The following HMGN2 variants were observed in gnomAD, a reference collection of about 807,000 sequenced individuals.
HMGN2 encodes high mobility group nucleosomal binding domain 2.
Under a neutral mutation model 16.9 loss-of-function variants are expected in HMGN2, and 2 were observed. That is an observed-to-expected ratio of 0.12 (90% CI 0.05 to 0.37). The LOEUF is 0.37. Among genes scored for constraint, HMGN2 ranks in the 10% least tolerant of loss-of-function variants. The pLI, the probability that HMGN2 is intolerant of heterozygous loss-of-function variation, is 1.00. For synonymous variants in HMGN2, 31 were observed against 34.9 expected (o/e 0.89, Z 0.39); for missense variants, 90 against 106.0 (o/e 0.85, Z 0.66).
At chr1:26,473,804 T>C in intron 3 of HMGN2, 72 bp downstream of exon 3, 1 of 1,438,824 alleles carries the variant, frequency 7.0e-7, no homozygotes, top group Non-Finnish European at 9.8e-7. Flanking sequence ...TTCCCTTTGC[T>C]TCCATGAATT....
Position 26,472,506 on chromosome 1 carries a change from G to T in HMGN2, c.-107G>T. 7.5e-7 allele frequency: 1 copy of T among 1,329,020 alleles called. No individual in the cohort carries two copies. Among genetic ancestry groups the T allele is most frequent in the South Asian group, 1.3e-5 (1 of 79,890 alleles). 82.3% of individuals were successfully genotyped at this position (1,329,020 alleles called of 1,614,324 possible). ...AAACTTTATAAACCCCCCGGAGCCC[G>T]AGCAGTGTGAAGAAGAGGCGAGAAC... On this transcript the variant is annotated 5_prime_UTR_variant, in exon 1 of 6. Transcript: ENST00000361427.
rs1357115782 is a variant in HMGN2, at chr1:26,475,468, A to T, written c.*320A>T. On this transcript the variant is annotated 3_prime_UTR_variant, in exon 6 of 6. Transcript: ENST00000361427. ...CACCTTGGCACAAAAGCCTTGTGGT[A>T]TAGAAAAACAAATTTGTTTTTATGT... The T allele has an allele frequency of 7.0e-6, 2 of 286,632 alleles. No homozygotes were observed. The highest frequency in any genetic ancestry group is 6.7e-6 in the Non-Finnish European group (1 of 149,934). The allele number at this position is 286,632 out of a possible 1,614,324, so 17.8% of individuals were successfully genotyped here.
At chr1:26,473,040 A>AG (rs11381992) in intron 1 of HMGN2, among the ~76,000 whole-genome samples, 151,745 of 151,880 alleles carry the variant, frequency 1, 75,805 homozygotes, top group Middle Eastern at 1. Flanking sequence ...CGCCGCCGTG[A>AG]GGGGCGGGGC....
Position 26,475,864 on chromosome 1 carries a change from T to G in HMGN2, c.*716T>G. 1 of 292,000 alleles carries G rather than the reference T, an allele frequency of 3.4e-6. No homozygotes were observed. Among genetic ancestry groups the G allele is most frequent in the Non-Finnish European group, 6.9e-6 (1 of 145,168 alleles). The allele number at this position is 292,000 out of a possible 1,614,324, so 18.1% of individuals were successfully genotyped here. On this transcript the variant is annotated 3_prime_UTR_variant, in exon 6 of 6. Transcript: ENST00000361427. ...TGGTAGTCCATTGAAGAAGGGAGTT[T>G]GAAAGTTGTTGTATACTGTTAACGA...
At chr1:26,473,279 C>T (rs2075587714) in intron 1 of HMGN2, 1 of 582,216 alleles carries the variant, frequency 1.7e-6, no homozygotes, top group Admixed American at 3.1e-5. Context: ...CGGCTGCGCT[C>T]CGGTCCAGCC....
intron 5 of HMGN2, 135 bp from the exon 6 acceptor site, chr1:26,474,978 T>G (rs1203415893): frequency 1.4e-6 from 1 of 728,212 alleles, no homozygotes; most frequent in African/African-American, 1.8e-5. Flanking sequence ...AGTAAGTCAT[T>G]CTCAGAAGAA....
rs977066430 is a variant in HMGN2 at position 26,476,146 on chromosome 1, A to G, written c.*998A>G. 2.2e-4 allele frequency among the ~76,000 whole-genome samples: 34 copies of G among 152,196 alleles called. No individual in the cohort carries two copies. Among genetic ancestry groups the G allele is most frequent in the African/African-American group, 8.2e-4 (34 of 41,552 alleles). ...AGGTGCAGTTAGGAAGGATTCCAGG[A>G]GTAGACTTAGCTGATGGTGAAAGGC... On this transcript the variant is annotated 3_prime_UTR_variant, in exon 6 of 6. Transcript: ENST00000361427.
At chr1:26,474,274 A>G in intron 4 of HMGN2, 139 bp downstream of exon 4, 1 of 660,942 alleles carries the variant, frequency 1.5e-6, no homozygotes, top group African/African-American at 1.8e-5. Context: ...TGTCATTCAT[A>G]ACGTTGGTTT....
intron 1 of HMGN2, 109 bp from the exon 2 acceptor site, chr1:26,473,374 A>G: frequency 2.5e-6 from 2 of 794,942 alleles, no homozygotes; most frequent in Non-Finnish European, 4.2e-6. Context: ...TATGTCCTAG[A>G]AAAGTTGTGT....
intron 3 of HMGN2, 75 bp downstream of exon 3, chr1:26,473,807 C>T: frequency 1.4e-6 from 2 of 1,429,982 alleles, no homozygotes; most frequent in Admixed American, 1.7e-5. Flanking sequence ...CCTTTGCTTC[C>T]ATGAATTATG....
Position 26,473,918 on chromosome 1 carries a change from TTGAG to T in HMGN2, c.91-164_91-161del, listed in dbSNP as rs770370295. On this transcript the variant is annotated intron_variant, in intron 3 of 5. Coordinates refer to ENST00000361427, the MANE Select transcript of HMGN2 (RefSeq NM_005517.4). ...GATGCCTGTAGCCAAAGTGGGACAT[TTGAG>T]TGGGCTTCTGGAAATCCAACATTCT... 23 of 788,282 alleles carry T rather than the reference TTGAG, an allele frequency of 2.9e-5. 1 individual carries two copies. The South Asian group carries it at 3.5e-4, about 12-fold the overall frequency. The allele number at this position is 788,282 out of a possible 1,614,324, so 48.8% of individuals were successfully genotyped here.
rs2075599477 is a variant in HMGN2 at position 26,475,143 on chromosome 1, A to G, written c.268A>G (p.Lys90Glu). 7 of 1,606,002 alleles carry G rather than the reference A, an allele frequency of 4.4e-6. No individual in the cohort carries two copies. Among genetic ancestry groups the G allele is most frequent in the African/African-American group, 1.3e-5 (1 of 74,874 alleles). The change falls in exon 6 of 6, where the codon AAG (lysine) becomes GAG (glutamate). Residue 90 changes from lysine (K) to glutamate (E), a missense_variant. Coordinates refer to ENST00000361427, the MANE Select transcript of HMGN2 (RefSeq NM_005517.4). The stretch of plus-strand genomic sequence containing the variant: ...GAAAGCTGAAGGTGCTGGAGATGCC[A>G]AGTGAAGTGTGTGCATTTTTGATAA... ...AQKAEGAGDAK is the reference protein window; with the variant it reads ...AQKAEGAGDAE
intron 1 of HMGN2, chr1:26,473,060 ATG>A (rs2075584183): frequency 4.1e-6 from 1 of 244,486 alleles, no homozygotes; most frequent in Non-Finnish European, 7.9e-6. Context: ...CTTGTGCGGT[ATG>A]GCCCCGCCCC....
chr1:26,472,884 G>T (rs1374074915), intron 1 of HMGN2, among the ~76,000 whole-genome samples: 1 of 151,780 alleles, frequency 6.6e-6, no homozygotes, highest in Non-Finnish European at 1.5e-5. Context: ...CGCTCTCCTC[G>T]GGCTCGCCGC....
At chr1:26,472,941 C>T (rs886171016) in intron 1 of HMGN2, among the ~76,000 whole-genome samples, 1 of 152,040 alleles carries the variant, frequency 6.6e-6, no homozygotes, top group Non-Finnish European at 1.5e-5. Context: ...CTTCCCTCCC[C>T]TCCCTGCGGG....
In HMGN2 at chr1:26,475,858, G is replaced by A. The variant is rs1457586939; in HGVS notation, c.*710G>A. ...GATTTTTGGTAGTCCATTGAAGAAG[G>A]GAGTTTGAAAGTTGTTGTATACTGT... On this transcript the variant is annotated 3_prime_UTR_variant, in exon 6 of 6. Coordinates refer to ENST00000361427, the MANE Select transcript of HMGN2 (RefSeq NM_005517.4). 2 of 294,014 alleles carry A rather than the reference G, an allele frequency of 6.8e-6. No individual in the cohort carries two copies. The highest frequency in any genetic ancestry group is 1.1e-4 in the East Asian group (1 of 9,164). 18.2% of individuals were successfully genotyped at this position (294,014 alleles called of 1,614,324 possible). A position where few individuals can be genotyped will look rare whatever the true frequency, so the allele number is the denominator to read the frequency against.
intron 1 of HMGN2, 177 bp from the exon 2 acceptor site, chr1:26,473,306 G>C: frequency 1.8e-6 from 1 of 569,140 alleles, no homozygotes; most frequent in Admixed American, 3.2e-5. Context: ...TCTCGGGGTC[G>C]GCGAGCCGGA....
At position 26,473,539 on chromosome 1, in the gene HMGN2, T is replaced by C; in HGVS notation, c.60+12T>C. 3 of 1,608,846 alleles carry C rather than the reference T, an allele frequency of 1.9e-6. No individual in the cohort carries two copies. The highest frequency in any genetic ancestry group is 2.6e-6 in the Non-Finnish European group (3 of 1,175,188). ...AGGTGAAGGACGAAGTAAGTCATTC[T>C]CTCTTCAAGGGTCAAAGCCTTGGAC... is the stretch of plus-strand genomic sequence containing the variant. On this transcript the variant is annotated intron_variant, in intron 2 of 5. Coordinates refer to ENST00000361427, the MANE Select transcript of HMGN2 (RefSeq NM_005517.4).
At chr1:26,472,809 G>C (rs963256830) in intron 1 of HMGN2, among the ~76,000 whole-genome samples, 182 bp downstream of exon 1, 2 of 151,382 alleles carry the variant, frequency 1.3e-5, no homozygotes, top group Admixed American at 1.3e-4. Context: ...GCCCGCGGGC[G>C]CCAGAGGCCA....
Sources: gnomAD v4.1 joint callset for allele counts (sites outside exome capture counted in the v4.1 genomes callset) on GRCh38, gnomAD v4.1.1 for gene constraint, MANE v1.5 for transcripts, NCBI Gene and HGNC (gene_info 2026-07-23, HGNC 2026-07-21) for gene names.